ABCA3: variants seen among roughly 807,000 people sequenced by gnomAD.
The protein encoded by ABCA3 is ATP binding cassette subfamily A member 3, also known as phospholipid-transporting ATPase ABCA3.
Under a neutral mutation model 172.8 loss-of-function variants are expected in ABCA3, and 88 were observed. The observed-to-expected ratio is 0.51, with a 90% CI of 0.43 to 0.61. ABCA3 has a LOEUF of 0.61. Among genes scored for constraint, ABCA3 ranks in the 20% least tolerant of loss-of-function variants. The pLI is 0.00. For synonymous variants in ABCA3, 1,066 were observed against 983.8 expected (o/e 1.08, Z -1.56); for missense variants, 2,164 against 2,301.0 (o/e 0.94, Z 1.22).
At chr16:2,337,766 T>C (rs1443217311) in intron 1 of ABCA3, among the ~76,000 whole-genome samples, 1 of 152,172 alleles carries the variant, frequency 6.6e-6, no homozygotes, top group Non-Finnish European at 1.5e-5. Flanking sequence ...GGCTGAGAGC[T>C]GGGGAGGCTG....
intron 11 of ABCA3, 21 bp downstream of exon 11, chr16:2,308,429 C>A: frequency 6.2e-7 from 1 of 1,613,940 alleles, no homozygotes; most frequent in East Asian, 2.2e-5. Flanking sequence ...AAAGAACAGG[C>A]TGGACAAGGC....
At chr16:2,307,325 G>A (rs891398622) in intron 11 of ABCA3, among the ~76,000 whole-genome samples, 4 of 151,900 alleles carry the variant, frequency 2.6e-5, no homozygotes, top group Non-Finnish European at 5.9e-5. Flanking sequence ...GGAGGCCGAG[G>A]GCAGATCACT....
chr16:2,339,139 C>T (rs1225509514), intron 1 of ABCA3: 1 of 152,254 alleles, frequency 6.6e-6, no homozygotes, highest in Non-Finnish European at 1.5e-5. Context: ...TCAATAGATT[C>T]CACAGTCTCC....
At position 2,317,528 on chromosome 16, in the gene ABCA3, C is replaced by T. The variant is rs2093718105; in HGVS notation, c.990+120G>A. 3.8e-6 allele frequency: 6 copies of T among 1,579,992 alleles called. No individual in the cohort carries two copies. In the African/African-American group the frequency reaches 5.4e-5, roughly 14 times the overall value. On this transcript the variant is annotated intron_variant, in intron 9 of 32. Transcript: ENST00000301732. ...GGAGTGGGACATTGACAGCTCCTCTCCCCCATGAGGGACAGACTCTCTCTG... is the reference window on the plus strand; with the variant it reads ...GGAGTGGGACATTGACAGCTCCTCTTCCCCATGAGGGACAGACTCTCTCTG...
rs374905886 is a variant in ABCA3 at position 2,319,841 on chromosome 16, C to G, written c.614-1G>C. The G allele has an allele frequency of 6.2e-7, 1 of 1,613,658 alleles. No homozygotes were observed. The highest frequency in any genetic ancestry group is 1.3e-5 in the African/African-American group (1 of 75,030). On this transcript the variant is annotated splice_acceptor_variant, in intron 7 of 32. Coordinates refer to ENST00000301732, the MANE Select transcript of ABCA3 (RefSeq NM_001089.3). LOFTEE classifies it high-confidence loss of function. ...GCCAGGAAGCCTTCCCGGATGTACC[C>G]TGGGTGCGGGAGCAGAGGATGGCCC...
Position 2,292,235 on chromosome 16 carries a change from A to C in ABCA3, c.2418T>G (p.Phe806Leu). The change falls in exon 19 of 33, where the codon TTT becomes TTG. Residue 806 changes from phenylalanine to leucine, a missense_variant. Phe to Leu is a conservative substitution (Grantham distance 22, BLOSUM62 0). Transcript: ENST00000301732. ...TCTCCAGTTTAGCAAAGAGACCTTC[A>C]AACCTGAAAAACAGACCCAGCATTA... ...FILPRESTHR[F>L]EGLFAKLEKK... 1 of 1,612,882 alleles carries C rather than the reference A, an allele frequency of 6.2e-7. No individual in the cohort carries two copies. Among genetic ancestry groups the C allele is most frequent in the Non-Finnish European group, 8.5e-7 (1 of 1,179,122 alleles).
In ABCA3 at chr16:2,285,519, C is replaced by T. The variant is rs1248890624; in HGVS notation, c.3406G>A (p.Val1136Ile). 6.2e-7 allele frequency: 1 copy of T among 1,607,864 alleles called. No individual in the cohort carries two copies. Residue 1136 changes from valine to isoleucine, a missense_variant, in exon 23 of 33, where the codon GTC becomes ATC. Transcript: ENST00000301732. The surrounding 1 kb of genome is among the most constrained non-coding windows in gnomAD (Gnocchi z 4.7). ...GAGAGCCAGAAACTGGCCACGTGGACTCCACTCACAAACTGCACATGCTTG... is the reference window on the plus strand; with the variant it reads ...GAGAGCCAGAAACTGGCCACGTGGATTCCACTCACAAACTGCACATGCTTG... ...QAKHVQFVSG[V>I]HVASFWLSAL...
chr16:2,309,397 A>G (rs2093703018), intron 10 of ABCA3, among the ~76,000 whole-genome samples: 1 of 152,164 alleles, frequency 6.6e-6, no homozygotes, highest in Non-Finnish European at 1.5e-5. Flanking sequence ...CCACGCCTGG[A>G]ATATAGCGGG....
chr16:2,329,613 C>T (rs971244481), intron 2 of ABCA3, 35 bp downstream of exon 2: 6 of 152,520 alleles, frequency 3.9e-5, no homozygotes, highest in Non-Finnish European at 8.8e-5. Context: ...ACCCCCCTTC[C>T]CACACAGGCT....
At position 2,326,092 on chromosome 16, in the gene ABCA3, C is replaced by A. The variant is rs1447801490; in HGVS notation, c.237G>T (p.Glu79Asp). 3 of 1,613,994 alleles carry A rather than the reference C, an allele frequency of 1.9e-6. No individual in the cohort carries two copies. Among genetic ancestry groups the A allele is most frequent in the African/African-American group, 2.7e-5 (2 of 74,916 alleles). ...CACTGTGAGAAGGGATGTAGGCAAG[C>A]TCCCAGGTGTCTCCTGGCGGAGGGA... ...FTFPPPGDTW[E>D]LAYIPSHSDA... The change falls in exon 5 of 33, where the codon GAG becomes GAT. Residue 79 changes from glutamate (E) to aspartate (D), a missense_variant. Glu to Asp is a conservative substitution (Grantham distance 45). Transcript: ENST00000301732.
Position 2,297,426 on chromosome 16 carries a change from G to C in ABCA3, c.2166C>G (p.Phe722Leu), listed in dbSNP as rs1219471797. 1.2e-6 allele frequency: 2 copies of C among 1,613,726 alleles called. No individual in the cohort carries two copies. The highest frequency in any genetic ancestry group is 2.7e-5 in the African/African-American group (2 of 74,920). ...CTCCCAGCAGGTCAGCCTCGTCCAT[G>C]AAGTGGGTGGTCAGCACGATGGTGC... The part of the protein sequence containing the change: ...SDRTIVLTTH[F>L]MDEADLLGDR... The change falls in exon 17 of 33, where the codon TTC (phenylalanine) becomes TTG (leucine). Residue 722 changes from phenylalanine to leucine, a missense_variant. Phe to Leu is a conservative substitution (Grantham distance 22, BLOSUM62 0). Transcript: ENST00000301732. The surrounding 1 kb of genome is among the most constrained non-coding windows in gnomAD (Gnocchi z 5.6).
At chr16:2,318,622 C>T (rs969967116) in intron 8 of ABCA3, among the ~76,000 whole-genome samples, 2 of 151,756 alleles carry the variant, frequency 1.3e-5, no homozygotes, top group African/African-American at 2.4e-5. Context: ...AAGAAATTCT[C>T]GTGCCTCAGC....
At chr16:2,322,147 G>A (rs896744974) in intron 7 of ABCA3, among the ~76,000 whole-genome samples, 20 of 151,182 alleles carry the variant, frequency 1.3e-4, no homozygotes, top group Non-Finnish European at 1.8e-4. Flanking sequence ...GCAGTGAGCC[G>A]AGGTCGCGCC....
chr16:2,277,501 G>T lies in ABCA3; in HGVS notation c.4983+96C>A. ...GGGAGAAATGGAAAGTGACTCCTCT[G>T]TGGAAAGAGCCTGCAGTCACCACAG... On this transcript the variant is annotated intron_variant, in intron 32 of 32. Transcript: ENST00000301732. The surrounding 1 kb of genome is among the most constrained non-coding windows in gnomAD (Gnocchi z 5.3). 1 of 1,317,790 alleles carries T rather than the reference G, an allele frequency of 7.6e-7. No individual in the cohort carries two copies. Among genetic ancestry groups the T allele is most frequent in the Non-Finnish European group, 1.1e-6 (1 of 928,856 alleles). 81.6% of individuals were successfully genotyped at this position (1,317,790 alleles called of 1,614,324 possible).
At chr16:2,307,850 C>T (rs558869337) in intron 11 of ABCA3, among the ~76,000 whole-genome samples, 7 of 152,134 alleles carry the variant, frequency 4.6e-5, no homozygotes, top group East Asian at 1.9e-4. Context: ...CGTGATCCAC[C>T]GGCCTCAGCC....
rs543592832 is a variant in ABCA3 at position 2,276,153 on chromosome 16, G to C, written c.*521C>G. 8.8e-5 allele frequency: 32 copies of C among 362,186 alleles called. No homozygotes were observed. Among genetic ancestry groups the C allele is most frequent in the African/African-American group, 6.1e-4 (29 of 47,172 alleles). The allele number at this position is 362,186 out of a possible 1,614,324, so 22.4% of individuals were successfully genotyped here. A position where few individuals can be genotyped will look rare whatever the true frequency, so the allele number is the denominator to read the frequency against. The stretch of plus-strand genomic sequence containing the variant: ...AGGATGCCCCCGGGCTGCGCTGGAC[G>C]CTAAGACCCCAGCACCTAATCACAG... On this transcript the variant is annotated 3_prime_UTR_variant, in exon 33 of 33. Coordinates refer to ENST00000301732, the MANE Select transcript of ABCA3 (RefSeq NM_001089.3).
In ABCA3 at chr16:2,284,917, C is replaced by T. The variant is rs759169167; in HGVS notation, c.3565G>A (p.Gly1189Ser). 47 of 1,613,916 alleles carry T rather than the reference C, an allele frequency of 2.9e-5. No homozygotes were observed. Among genetic ancestry groups the T allele is most frequent in the Non-Finnish European group, 3.6e-5 (42 of 1,180,000 alleles). ...TACATGAGGGGGATGATGGCCCAGC[C>T]GTAGAGCAGGAGCAGCAGCAGGGTG... The part of the protein sequence containing the change: ...ADTLLLLLLY[G>S]WAIIPLMYLM... The change falls in exon 24 of 33, where the codon GGC (glycine) becomes AGC (serine). Residue 1189 changes from glycine (G) to serine (S), a missense_variant. By Grantham distance (56) the Gly-to-Ser change is moderately conservative. This residue lies in a region of ABCA3 where 795 missense variants were observed against 881.9 expected (regional missense o/e 0.90). Coordinates refer to ENST00000301732, the MANE Select transcript of ABCA3 (RefSeq NM_001089.3). The surrounding 1 kb of genome is among the most constrained non-coding windows in gnomAD (Gnocchi z 5.9).
At chr16:2,316,490 CAAAAAAAAAAAAAA>C (rs71148128) in intron 10 of ABCA3, among the ~76,000 whole-genome samples, 109 of 28,862 alleles carry the variant, frequency 3.8e-3, no homozygotes, top group Middle Eastern at 0.016. Flanking sequence ...ACTAAAAATG[CAAAAAAAAAAAAAA>C]AAAAAAAAAA....
Position 2,278,338 on chromosome 16 carries a change from G to C in ABCA3, c.4668C>G (p.Thr1556=). ...DPVARRLLWD[T]VARARESGKA... ...TGCCAGACTCTCGGGCTCGTGCCAC[G>C]GTGTCCCAAAGCAGGCGCCGGGCCA... is the stretch of plus-strand genomic sequence containing the variant. Residue 1556 remains threonine, a synonymous_variant, in exon 30 of 33, where the codon ACC becomes ACG. Transcript: ENST00000301732. The surrounding 1 kb of genome is among the most constrained non-coding windows in gnomAD (Gnocchi z 4.4). The C allele has an allele frequency of 2.5e-6, 4 of 1,611,366 alleles. No individual in the cohort carries two copies. The highest frequency in any genetic ancestry group is 2.2e-5 in the South Asian group (2 of 91,086).
Sources: allele counts gnomAD v4.1 joint callset (sites outside exome capture counted in the v4.1 genomes callset), GRCh38; gene constraint gnomAD v4.1.1; regional missense constraint gnomAD v4.1.1; non-coding constraint Gnocchi (gnomAD v3.1); transcripts MANE v1.5; gene names NCBI Gene and HGNC (gene_info 2026-07-23, HGNC 2026-07-21).